Variants in C14orf132 observed in about 807,000 individuals in gnomAD.
C14orf132 encodes the protein chromosome 14 open reading frame 132.
In C14orf132, 6 loss-of-function variants were observed where a neutral mutation model predicts 5.8. The ratio of observed to expected loss-of-function variants is 1.03; its 90% CI spans 0.57 to 2.04. The LOEUF (loss-of-function observed/expected upper bound fraction) is 2.04, where lower values mean the gene tolerates loss of function less well. C14orf132 is among the 30% of genes most tolerant of loss of function. The pLI, the probability that C14orf132 is intolerant of heterozygous loss-of-function variation, is 0.00. For synonymous variants in C14orf132, 51 were observed against 49.8 expected (o/e 1.02, Z -0.10); for missense variants, 125 against 115.8 (o/e 1.08, Z -0.37).
chr14:96,082,615 A>AG (rs1180535687), intron 1 of C14orf132, among the ~76,000 whole-genome samples: 15 of 152,284 alleles, frequency 9.9e-5, no homozygotes, highest in African/African-American at 2.9e-4. Flanking sequence ...AGCATACACT[A>AG]GGGGGCACGG....
chr14:96,068,795 G>A (rs117190972), intron 1 of C14orf132, among the ~76,000 whole-genome samples: 23 of 152,186 alleles, frequency 1.5e-4, no homozygotes, highest in Non-Finnish European at 3.1e-4. Flanking sequence ...TTAAAGTGTC[G>A]ACTTGGCTGC....
At chr14:96,085,036 C>T (rs749294514) in intron 1 of C14orf132, among the ~76,000 whole-genome samples, 3 of 152,186 alleles carry the variant, frequency 2.0e-5, no homozygotes, top group East Asian at 1.9e-4. Context: ...CATGCAGAGC[C>T]GGGAGTGCCT....
chr14:96,078,304 A>G (rs1158951462), intron 1 of C14orf132, among the ~76,000 whole-genome samples: 2 of 152,230 alleles, frequency 1.3e-5, no homozygotes, highest in African/African-American at 4.8e-5. Context: ...AAGAGAAAAC[A>G]AGTAAAAATC....
At chr14:96,073,150 G>GTT (rs34019892) in intron 1 of C14orf132, among the ~76,000 whole-genome samples, 16 of 150,254 alleles carry the variant, frequency 1.1e-4, no homozygotes, top group African/African-American at 2.7e-4. Flanking sequence ...GGAACATCAG[G>GTT]TTTTTTTTTT....
intron 1 of C14orf132, among the ~76,000 whole-genome samples, chr14:96,080,760 A>G (rs1888006394): frequency 6.6e-6 from 1 of 151,968 alleles, no homozygotes; most frequent in Non-Finnish European, 1.5e-5. Flanking sequence ...AATGGCCCGG[A>G]CCACCTGGAA....
chr14:96,046,588 G>A (rs2139643321), intron 1 of C14orf132, among the ~76,000 whole-genome samples: 1 of 152,314 alleles, frequency 6.6e-6, no homozygotes, highest in South Asian at 2.1e-4. Flanking sequence ...TGAGGAGCTG[G>A]GAATTCCCCC....
Position 96,069,303 on chromosome 14 carries a change from A to G in C14orf132, c.28-17208A>G, listed in dbSNP as rs866947620. 1.8e-3 allele frequency among the ~76,000 whole-genome samples: 206 copies of G among 111,886 alleles called. 3 individuals carry two copies. Among genetic ancestry groups the G allele is most frequent in the African/African-American group, 6.9e-3 (189 of 27,582 alleles). The allele number at this position is 111,886 out of a possible 152,430, so 73.4% of individuals were successfully genotyped here. A position where few individuals can be genotyped will look rare whatever the true frequency, so the allele number is the denominator to read the frequency against. The stretch of plus-strand genomic sequence containing the variant: ...TATATATATATATATATATATATAT[A>G]TATGTTATTGGTTCTGTTTCTCTGG... On this transcript the variant is annotated intron_variant, in intron 1 of 1. Coordinates refer to ENST00000555004, the MANE Select transcript of C14orf132 (RefSeq NM_001252507.3).
chr14:96,083,183 T>A (rs1288391250), intron 1 of C14orf132, among the ~76,000 whole-genome samples: 1 of 152,226 alleles, frequency 6.6e-6, no homozygotes, highest in Non-Finnish European at 1.5e-5. Flanking sequence ...TTCAAGTTCA[T>A]TAATTCTGCA....
At chr14:96,062,673 T>A (rs1253371457) in intron 1 of C14orf132, among the ~76,000 whole-genome samples, 1 of 152,132 alleles carries the variant, frequency 6.6e-6, no homozygotes, top group African/African-American at 2.4e-5. Flanking sequence ...CTGAGCTGCA[T>A]CCGTGTCAGA....
chr14:96,074,876 T>TTC (rs3046328), intron 1 of C14orf132, among the ~76,000 whole-genome samples: 1 of 152,090 alleles, frequency 6.6e-6, no homozygotes, highest in Non-Finnish European at 1.5e-5. Context: ...GTTTTCTTTT[T>TTC]CAAAATTGTT....
chr14:96,048,502 T>C (rs1886896868), intron 1 of C14orf132, among the ~76,000 whole-genome samples: 1 of 152,100 alleles, frequency 6.6e-6, no homozygotes, highest in Admixed American at 6.6e-5. Flanking sequence ...TGATAGCTTT[T>C]TCTATTTTAT....
chr14:96,053,385 G>A (rs1887085382), intron 1 of C14orf132, among the ~76,000 whole-genome samples: 1 of 152,230 alleles, frequency 6.6e-6, no homozygotes, highest in Admixed American at 6.5e-5. Flanking sequence ...TGACCAAGGA[G>A]CGAGGGCACC....
At chr14:96,053,330 G>A (rs1485898702) in intron 1 of C14orf132, among the ~76,000 whole-genome samples, 1 of 152,194 alleles carries the variant, frequency 6.6e-6, no homozygotes, top group African/African-American at 2.4e-5. Context: ...CCCTGCTCTC[G>A]CTAAGGGCAC....
At chr14:96,043,882 GCTT>G (rs1287651798) in intron 1 of C14orf132, among the ~76,000 whole-genome samples, 1 of 152,196 alleles carries the variant, frequency 6.6e-6, no homozygotes, top group Non-Finnish European at 1.5e-5. Flanking sequence ...CCAAAACTGA[GCTT>G]CTCCCTCTCT....
chr14:96,057,124 C>T (rs1887207389), intron 1 of C14orf132, among the ~76,000 whole-genome samples: 2 of 152,218 alleles, frequency 1.3e-5, no homozygotes, highest in Non-Finnish European at 2.9e-5. Flanking sequence ...ACTTAATCCC[C>T]AATGCAATGG....
intron 1 of C14orf132, among the ~76,000 whole-genome samples, chr14:96,061,316 C>A (rs1481541192): frequency 6.6e-6 from 1 of 152,182 alleles, no homozygotes; most frequent in African/African-American, 2.4e-5. Flanking sequence ...TGCAGATGGC[C>A]CAGCTCTTTG....
intron 1 of C14orf132, among the ~76,000 whole-genome samples, chr14:96,058,124 GC>G (rs1336556229): frequency 6.6e-6 from 1 of 152,076 alleles, no homozygotes; most frequent in Non-Finnish European, 1.5e-5. Context: ...CAGCCACCTG[GC>G]TCCCACGTGC....
intron 1 of C14orf132, among the ~76,000 whole-genome samples, chr14:96,059,238 T>C (rs1264344442): frequency 6.6e-6 from 1 of 152,190 alleles, no homozygotes; most frequent in Non-Finnish European, 1.5e-5. Context: ...GGAGCCATGA[T>C]TGCAGCACTG....
At position 96,049,633 on chromosome 14, in the gene C14orf132, T is replaced by TATATATAC. The variant is rs1414074049; in HGVS notation, c.27+10111_27+10112insTACATATA. 1.8e-3 allele frequency among the ~76,000 whole-genome samples: 116 copies of TATATATAC among 62,892 alleles called. 8 individuals are homozygous for TATATATAC. Among genetic ancestry groups the TATATATAC allele is most frequent in the African/African-American group, 0.01 (111 of 10,604 alleles). 41.3% of individuals were successfully genotyped at this position (62,892 alleles called of 152,430 possible). A position where few individuals can be genotyped will look rare whatever the true frequency, so the allele number is the denominator to read the frequency against. Reference sequence around the variant, plus strand: ...ATACATATATACGTATATATATACATATATACGTATATATATATATAGAGA... The same window carrying TATATATAC: ...ATACATATATACGTATATATATACATATATATACATATACGTATATATATATATAGAGA... On this transcript the variant is annotated intron_variant, in intron 1 of 1. Transcript: ENST00000555004.
Sources: allele counts gnomAD v4.1 joint callset (sites outside exome capture counted in the v4.1 genomes callset), GRCh38; gene constraint gnomAD v4.1.1; transcripts MANE v1.5; gene names NCBI Gene and HGNC (gene_info 2026-07-23, HGNC 2026-07-21).